EXOC2: variants seen among roughly 807,000 people sequenced by gnomAD.
EXOC2 encodes the protein exocyst complex component 2.
In EXOC2, 70 loss-of-function variants were observed where a neutral mutation model predicts 131.8. The observed-to-expected ratio is 0.53, with a 90% CI of 0.44 to 0.65. The LOEUF is 0.65. Ranked by LOEUF, EXOC2 falls within the 30% of genes least tolerant of loss-of-function variation. EXOC2 has a pLI of 0.00. For synonymous variants in EXOC2, 411 were observed against 398.4 expected (o/e 1.03, Z -0.38); for missense variants, 923 against 1,108.6 (o/e 0.83, Z 2.38).
At chr6:578,134 A>G (rs550628098) in intron 11 of EXOC2, among the ~76,000 whole-genome samples, 2 of 152,338 alleles carry the variant, frequency 1.3e-5, no homozygotes, top group Admixed American at 6.5e-5. Flanking sequence ...CACCACATGT[A>G]GTAAGTGACT....
chr6:577,859 G>A (rs779922145), intron 11 of EXOC2, among the ~76,000 whole-genome samples: 1 of 152,158 alleles, frequency 6.6e-6, no homozygotes, highest in Non-Finnish European at 1.5e-5. Flanking sequence ...CATCCTGAAA[G>A]ATGCCACTTG....
intron 1 of EXOC2, among the ~76,000 whole-genome samples, chr6:654,495 G>A (rs894680105): frequency 1.3e-5 from 2 of 152,080 alleles, no homozygotes; most frequent in African/African-American, 4.8e-5. Context: ...GGAAGTAGCA[G>A]GAGAACTAAA....
At chr6:513,567 C>T (rs1764974054) in intron 23 of EXOC2, among the ~76,000 whole-genome samples, 1 of 152,184 alleles carries the variant, frequency 6.6e-6, no homozygotes, top group Non-Finnish European at 1.5e-5. Context: ...TCCTTCAATA[C>T]ACAAACTTGC....
At chr6:653,079 G>A (rs941274846) in intron 1 of EXOC2, among the ~76,000 whole-genome samples, 1 of 152,132 alleles carries the variant, frequency 6.6e-6, no homozygotes, top group Non-Finnish European at 1.5e-5. Context: ...ATGAGACAGG[G>A]AACTTAATTG....
chr6:486,380 G>A lies in EXOC2; in HGVS notation c.*291C>T. The A allele has an allele frequency of 3.7e-6, 1 of 270,322 alleles. No homozygotes were observed. Among genetic ancestry groups the A allele is most frequent in the Non-Finnish European group, 6.9e-6 (1 of 144,028 alleles). 16.7% of individuals were successfully genotyped at this position (270,322 alleles called of 1,614,324 possible). A position where few individuals can be genotyped will look rare whatever the true frequency, so the allele number is the denominator to read the frequency against. On this transcript the variant is annotated 3_prime_UTR_variant, in exon 28 of 28. Transcript: ENST00000230449. ...TTCCAGAAAACTCCCTGCAGAAGCAGCTCTTCCTGCAGCACTCAACCTTCT... is the reference window on the plus strand; with the variant it reads ...TTCCAGAAAACTCCCTGCAGAAGCAACTCTTCCTGCAGCACTCAACCTTCT...
intron 16 of EXOC2, among the ~76,000 whole-genome samples, chr6:563,338 G>T (rs1201671639): frequency 1.3e-5 from 2 of 152,146 alleles, no homozygotes; most frequent in Non-Finnish European, 2.9e-5. Context: ...GTGAGGAGGA[G>T]GTAATCAACT....
chr6:663,623 G>A (rs947208963), intron 1 of EXOC2, among the ~76,000 whole-genome samples: 2 of 152,090 alleles, frequency 1.3e-5, no homozygotes, highest in African/African-American at 4.8e-5. Context: ...GGATGCAGGG[G>A]TAGTTTAACA....
chr6:572,120 G>A lies in EXOC2; in HGVS notation c.1443+400C>T, dbSNP rs768384475. Among the ~76,000 whole-genome samples the A allele has an allele frequency of 3.9e-5, 6 of 152,162 alleles. No homozygotes were observed. The East Asian group carries it at 5.8e-4, about 15-fold the overall frequency. ...CATACTCTATGGATGACTTTGTTCC[G>A]GGTGCCGGCTGCCAAGGTGCTATCC... On this transcript the variant is annotated intron_variant, in intron 13 of 27. Transcript: ENST00000230449.
At chr6:574,481 A>C (rs1758472119) in intron 12 of EXOC2, among the ~76,000 whole-genome samples, 1 of 152,194 alleles carries the variant, frequency 6.6e-6, no homozygotes, top group Admixed American at 6.5e-5. Context: ...TGTGGGGTTG[A>C]GTGTCTACTC....
chr6:488,164 G>T (rs1342622812), intron 27 of EXOC2, among the ~76,000 whole-genome samples: 1 of 152,200 alleles, frequency 6.6e-6, no homozygotes, highest in South Asian at 2.1e-4. Context: ...GGGCTGGTCT[G>T]CTGCCTGCTC....
chr6:574,190 T>C (rs1758448504), intron 12 of EXOC2, among the ~76,000 whole-genome samples: 3 of 152,218 alleles, frequency 2.0e-5, no homozygotes, highest in Admixed American at 1.3e-4. Flanking sequence ...CCAGTAACTG[T>C]ATACCTATAT....
chr6:650,144 T>C (rs1300552485), intron 1 of EXOC2, among the ~76,000 whole-genome samples: 1 of 152,244 alleles, frequency 6.6e-6, no homozygotes, highest in Non-Finnish European at 1.5e-5. Context: ...AACAATCATA[T>C]GGTACTCTAG....
At chr6:623,173 A>G (rs754786287) in intron 4 of EXOC2, among the ~76,000 whole-genome samples, 7 of 152,174 alleles carry the variant, frequency 4.6e-5, no homozygotes, top group South Asian at 2.1e-4. Flanking sequence ...CGCTGGGAGG[A>G]CACGGGTGGC....
At chr6:533,411 C>G (rs562774273) in intron 22 of EXOC2, among the ~76,000 whole-genome samples, 2 of 152,190 alleles carry the variant, frequency 1.3e-5, no homozygotes, top group East Asian at 3.9e-4. Context: ...CTCCAGTAAC[C>G]CCAGTGTGGC....
intron 1 of EXOC2, among the ~76,000 whole-genome samples, chr6:658,443 T>TA (rs1215097441): frequency 2.0e-5 from 3 of 151,956 alleles, no homozygotes; most frequent in Non-Finnish European, 4.4e-5. Flanking sequence ...AGTACATACT[T>TA]AGACTTCTTT....
intron 13 of EXOC2, among the ~76,000 whole-genome samples, chr6:571,296 T>C (rs1758263085): frequency 6.6e-6 from 1 of 152,256 alleles, no homozygotes; most frequent in Admixed American, 6.5e-5. Flanking sequence ...AAGTTGTGCT[T>C]ACACGATTGG....
chr6:643,860 A>G (rs1214340425), intron 1 of EXOC2, among the ~76,000 whole-genome samples: 1 of 152,160 alleles, frequency 6.6e-6, no homozygotes, highest in East Asian at 1.9e-4. Flanking sequence ...GAATAACCAT[A>G]GATACTAAAG....
chr6:622,156 C>T (rs748565635), intron 4 of EXOC2, among the ~76,000 whole-genome samples: 6 of 152,232 alleles, frequency 3.9e-5, no homozygotes, highest in Non-Finnish European at 8.8e-5. Context: ...GTCATGGTGG[C>T]TGCAGACCAT....
At chr6:586,117 A>C (rs1298827293) in intron 11 of EXOC2, among the ~76,000 whole-genome samples, 1 of 152,228 alleles carries the variant, frequency 6.6e-6, no homozygotes, top group Admixed American at 6.5e-5. Context: ...TTGTGTTTTC[A>C]AATGCTCTAG....
Sources: allele counts gnomAD v4.1 joint callset (sites outside exome capture counted in the v4.1 genomes callset), GRCh38; gene constraint gnomAD v4.1.1; transcripts MANE v1.5; gene names NCBI Gene and HGNC (gene_info 2026-07-23, HGNC 2026-07-21).